The following TXNDC16 variants were observed in gnomAD, a reference collection of about 807,000 sequenced individuals.
TXNDC16 encodes thioredoxin domain-containing protein 16.
In TXNDC16, 74 loss-of-function variants were observed where a neutral mutation model predicts 85.6. The observed-to-expected ratio is 0.86, with a 90% confidence interval of 0.72 to 1.05. The LOEUF is 1.05. Ranked by LOEUF, TXNDC16 falls within the 50% of genes least tolerant of loss-of-function variation. The pLI is 0.00. For missense variants in TXNDC16, 959 were observed against 947.0 expected, an observed-to-expected ratio of 1.01 and a Z score of -0.17; for synonymous variants, 335 against 326.5, an observed-to-expected ratio of 1.03 and a Z score of -0.28.
intron 20 of TXNDC16, among the ~76,000 whole-genome samples, chr14:52,437,037 A>C (rs1161397106): frequency 2.0e-5 from 3 of 152,122 alleles, no homozygotes; most frequent in Non-Finnish European, 4.4e-5. Context: ...TTACTTATTT[A>C]AACTATAGCT....
chr14:52,488,214 A>C, intron 12 of TXNDC16, 149 bp downstream of exon 12: 1 of 924,492 alleles, frequency 1.1e-6, no homozygotes, highest in Middle Eastern at 3.4e-4. Flanking sequence ...TCAACTTGAT[A>C]AAATGTGGTT....
intron 18 of TXNDC16, among the ~76,000 whole-genome samples, chr14:52,443,586 A>G (rs2035212967): frequency 6.6e-6 from 1 of 152,186 alleles, no homozygotes; most frequent in Non-Finnish European, 1.5e-5. Flanking sequence ...AGATAGGCAG[A>G]GAGCTATTAA....
intron 7 of TXNDC16, among the ~76,000 whole-genome samples, chr14:52,518,119 T>A (rs769135840): frequency 1.3e-5 from 2 of 152,236 alleles, no homozygotes; most frequent in African/African-American, 4.8e-5. Flanking sequence ...ACCACATTCA[T>A]TCTGTCTCCT....
chr14:52,457,650 G>A (rs1035422931), intron 16 of TXNDC16, among the ~76,000 whole-genome samples: 1 of 152,136 alleles, frequency 6.6e-6, no homozygotes, highest in Non-Finnish European at 1.5e-5. Flanking sequence ...GTCTGTGTTA[G>A]GGTTGTGCAA....
At chr14:52,549,071 G>A (rs1385953609) in intron 1 of TXNDC16, among the ~76,000 whole-genome samples, 4 of 152,068 alleles carry the variant, frequency 2.6e-5, no homozygotes, top group South Asian at 2.1e-4. Context: ...ACTAAAAGAC[G>A]GGAAAAGTAA....
At chr14:52,485,422 G>A (rs1292606733) in intron 12 of TXNDC16, among the ~76,000 whole-genome samples, 4 of 152,044 alleles carry the variant, frequency 2.6e-5, no homozygotes, top group African/African-American at 7.2e-5. Flanking sequence ...AGTAAGCTAA[G>A]ACAAATTATT....
chr14:52,531,731 T>C (rs1161583700), intron 6 of TXNDC16, among the ~76,000 whole-genome samples: 2 of 152,156 alleles, frequency 1.3e-5, no homozygotes, highest in Non-Finnish European at 2.9e-5. Flanking sequence ...ATGGTAGAAA[T>C]GTGTCATACA....
intron 7 of TXNDC16, among the ~76,000 whole-genome samples, chr14:52,515,551 G>C (rs2037061281): frequency 6.6e-6 from 1 of 151,628 alleles, no homozygotes; most frequent in Non-Finnish European, 1.5e-5. Context: ...AATTTTACAA[G>C]GCATATTAAT....
At position 52,470,463 on chromosome 14, in the gene TXNDC16, T is replaced by G. The variant is rs369909190; in HGVS notation, c.1481+49A>C. ...TTAGCAAAGTCTGAGAATTAGAACT[T>G]CTAAAGACCTAAACATTCAGAGATC... On this transcript the variant is annotated intron_variant, in intron 15 of 20. Transcript: ENST00000281741. 14 of 1,558,572 alleles carry G rather than the reference T, an allele frequency of 9.0e-6. No homozygotes were observed. The African/African-American group carries it at 1.9e-4, about 21-fold the overall frequency.
chr14:52,497,417 CCTT>C lies in TXNDC16; in HGVS notation c.757-6415_757-6413del, dbSNP rs1425973093. On this transcript the variant is annotated intron_variant, in intron 9 of 20. Coordinates refer to ENST00000281741, the MANE Select transcript of TXNDC16 (RefSeq NM_020784.3). ...AAACATTTAAAGAAATAATGCCAAT[CCTT>C]CTTAACCTCTTCCAAAAATTCAAAG... Among the ~76,000 whole-genome samples the C allele has an allele frequency of 2.0e-5, 3 of 152,306 alleles. 1 individual carries two copies. Among genetic ancestry groups the C allele is most frequent in the Admixed American group, 2.0e-4 (3 of 15,296 alleles).
intron 1 of TXNDC16, among the ~76,000 whole-genome samples, chr14:52,551,459 C>T (rs757398466): frequency 1.4e-5 from 2 of 139,206 alleles, no homozygotes; most frequent in Non-Finnish European, 3.1e-5. Context: ...AGAGCGAGAC[C>T]CTGCATGAAA....
Position 52,455,398 on chromosome 14 carries a change from C to T in TXNDC16, c.1768G>A (p.Glu590Lys), listed in dbSNP as rs749316183. Residue 590 changes from glutamate (E) to lysine (K), a missense_variant, in exon 18 of 21, where the codon GAG (glutamate) becomes AAG (lysine). Transcript: ENST00000281741. ...LLARHTEGKI[E>K]SIPLASTHAQ... is the part of the protein sequence containing the mutation. ...TGTGTGCTAGCTAGTGGGATGCTCT[C>T]TATTTTGCCTTCTGTGTGTCTGGCA... The T allele has an allele frequency of 1.8e-5, 29 of 1,613,988 alleles. No homozygotes were observed. The highest frequency in any genetic ancestry group is 2.4e-5 in the Non-Finnish European group (28 of 1,179,928).
At chr14:52,442,482 T>G (rs2035189693) in intron 18 of TXNDC16, among the ~76,000 whole-genome samples, 1 of 152,196 alleles carries the variant, frequency 6.6e-6, no homozygotes, top group Non-Finnish European at 1.5e-5. Flanking sequence ...CCTCTAAATA[T>G]AGTCCTAGTT....
At chr14:52,521,879 C>A (rs1378171874) in intron 6 of TXNDC16, among the ~76,000 whole-genome samples, 1 of 152,170 alleles carries the variant, frequency 6.6e-6, no homozygotes, top group East Asian at 1.9e-4. Context: ...GACTAAGTAA[C>A]CTGCTCCAAA....
intron 6 of TXNDC16, among the ~76,000 whole-genome samples, chr14:52,527,641 T>C (rs2037368044): frequency 6.6e-6 from 1 of 152,198 alleles, no homozygotes; most frequent in Non-Finnish European, 1.5e-5. Context: ...TGTACAGGTA[T>C]AAGCATCTGA....
chr14:52,530,285 A>AT (rs1400120005), intron 6 of TXNDC16, among the ~76,000 whole-genome samples: 8 of 43,430 alleles, frequency 1.8e-4, no homozygotes, highest in South Asian at 9.3e-4. Flanking sequence ...TTTAATATAT[A>AT]ATTATTATAT....
chr14:52,495,164 T>C (rs2036501730), intron 9 of TXNDC16, among the ~76,000 whole-genome samples: 1 of 152,204 alleles, frequency 6.6e-6, no homozygotes, highest in African/African-American at 2.4e-5. Context: ...ATGTGTAAGC[T>C]CATCTCTGCT....
chr14:52,508,325 T>G (rs1414267856), intron 9 of TXNDC16, among the ~76,000 whole-genome samples: 2 of 152,190 alleles, frequency 1.3e-5, no homozygotes, highest in Non-Finnish European at 2.9e-5. Context: ...ATGCTCACCA[T>G]CACTGGCCAT....
chr14:52,469,699 C>T (rs1464877046), intron 16 of TXNDC16, among the ~76,000 whole-genome samples: 6 of 151,910 alleles, frequency 3.9e-5, no homozygotes, highest in East Asian at 1.9e-4. Context: ...GCCGACATCA[C>T]GCCACTGCAC....
Sources: gnomAD v4.1 joint callset for allele counts (sites outside exome capture counted in the v4.1 genomes callset) on GRCh38, gnomAD v4.1.1 for gene constraint, MANE v1.5 for transcripts, NCBI Gene and HGNC (gene_info 2026-07-23, HGNC 2026-07-21) for gene names.